The following SLC25A53 variants were observed in gnomAD, a reference collection of about 807,000 sequenced individuals.
The protein encoded by SLC25A53 is solute carrier family 25 member 53, also known as mitochondrial carrier triple repeat protein 6.
A neutral mutation model predicts 15.0 loss-of-function variants in SLC25A53; 5 were observed. That is an observed-to-expected ratio of 0.33 (90% CI 0.17 to 0.70). SLC25A53 has a LOEUF of 0.70. SLC25A53 is among the 30% of genes least tolerant of loss of function. The pLI, the probability that SLC25A53 is intolerant of heterozygous loss-of-function variation, is 0.67. For missense variants in SLC25A53, 216 were observed against 241.6 expected (o/e 0.89, Z 0.70); for synonymous variants, 95 against 100.0 (o/e 0.95, Z 0.30).
chrX:104,122,073 G>A (rs1556362972), intron 1 of SLC25A53, among the ~76,000 whole-genome samples: 2 of 103,369 alleles, frequency 1.9e-5, no homozygotes, highest in Non-Finnish European at 3.9e-5. Context: ...TCCCTGGCCT[G>A]ATTCTTCTGT....
chrX:104,110,067 C>T (rs2075332004), intron 1 of SLC25A53, among the ~76,000 whole-genome samples: 1 of 111,589 alleles, frequency 9.0e-6, no homozygotes, highest in Admixed American at 9.5e-5. Flanking sequence ...GTAGCCCAAC[C>T]CTGGCACCTT....
rs573996359 is a variant in SLC25A53 at position 104,120,251 on chromosome X, T to C, written c.-31-14963A>G. Among the ~76,000 whole-genome samples the C allele has an allele frequency of 9.0e-5, 10 of 111,625 alleles. No individual in the cohort carries two copies. In the South Asian group the frequency reaches 3.8e-3, roughly 42 times the overall value. ...ATGTAGGAGAGGAATTGCTGGCTCA[T>C]AGATTGTGTATATTTTCAACTTCAC... is the stretch of plus-strand genomic sequence containing the variant. On this transcript the variant is annotated intron_variant, in intron 1 of 1. Coordinates refer to ENST00000594199, the MANE Select transcript of SLC25A53 (RefSeq NM_001012755.5).
chrX:104,152,870 T>C (rs2075489248), intron 1 of SLC25A53, among the ~76,000 whole-genome samples: 1 of 111,856 alleles, frequency 8.9e-6, no homozygotes, highest in Non-Finnish European at 1.9e-5. Flanking sequence ...TCTGAGTGTT[T>C]GGTTTGGGGT....
At chrX:104,146,887 T>C (rs1556369174) in intron 1 of SLC25A53, among the ~76,000 whole-genome samples, 1 of 110,855 alleles carries the variant, frequency 9.0e-6, no homozygotes, top group East Asian at 2.8e-4. Flanking sequence ...CCAAGGTAAT[T>C]TATAGATTCA....
chrX:104,145,323 G>A (rs1556368448), intron 1 of SLC25A53, among the ~76,000 whole-genome samples: 1 of 112,095 alleles, frequency 8.9e-6, no homozygotes, highest in Admixed American at 9.5e-5. Context: ...TGTGTAGAGG[G>A]AAATTTATAG....
At chrX:104,129,856 A>ATG (rs1396046247) in intron 1 of SLC25A53, among the ~76,000 whole-genome samples, 6 of 50,431 alleles carry the variant, frequency 1.2e-4, no homozygotes, top group South Asian at 3.2e-3. Flanking sequence ...ATCCACACAA[A>ATG]TGTATGTGTG....
At chrX:104,147,604 G>GAA (rs1380182558) in intron 1 of SLC25A53, among the ~76,000 whole-genome samples, 1 of 104,911 alleles carries the variant, frequency 9.5e-6, no homozygotes, top group African/African-American at 3.5e-5. Context: ...AAATTTACAA[G>GAA]AAAAAAACAA....
chrX:104,154,958 T>G (rs2075496066), intron 1 of SLC25A53, among the ~76,000 whole-genome samples: 1 of 112,215 alleles, frequency 8.9e-6, no homozygotes, highest in Non-Finnish European at 1.9e-5. Context: ...ATTTAATCAT[T>G]CTACATTGTA....
intron 1 of SLC25A53, among the ~76,000 whole-genome samples, chrX:104,109,788 G>T (rs1209498077): frequency 8.9e-6 from 1 of 112,277 alleles, no homozygotes; most frequent in Non-Finnish European, 1.9e-5. Flanking sequence ...CAACAGGGTT[G>T]ATAAGAAGCT....
At chrX:104,125,892 G>A (rs782197586) in intron 1 of SLC25A53, among the ~76,000 whole-genome samples, 2 of 111,895 alleles carry the variant, frequency 1.8e-5, no homozygotes, top group Non-Finnish European at 3.8e-5. Context: ...CTGAAAACAT[G>A]GAGATACACG....
chrX:104,130,161 T>C (rs1167755650), intron 1 of SLC25A53, among the ~76,000 whole-genome samples: 1 of 111,011 alleles, frequency 9.0e-6, no homozygotes, highest in East Asian at 2.8e-4. Flanking sequence ...CCATACATCC[T>C]TCTGGGGAGT....
chrX:104,151,355 ACCT>A (rs1270129606), intron 1 of SLC25A53, among the ~76,000 whole-genome samples: 20 of 110,183 alleles, frequency 1.8e-4, no homozygotes, highest in African/African-American at 5.6e-4. Flanking sequence ...TATTTCTGCC[ACCT>A]CCTCCTCCTC....
At chrX:104,143,844 CAGAG>C (rs2147878852) in intron 1 of SLC25A53, among the ~76,000 whole-genome samples, 1 of 111,315 alleles carries the variant, frequency 9.0e-6, no homozygotes, top group Admixed American at 9.5e-5. Context: ...TAAGGGCAGC[CAGAG>C]AGAAAGGTCA....
intron 1 of SLC25A53, among the ~76,000 whole-genome samples, chrX:104,106,550 A>C (rs1474657146): frequency 1.8e-5 from 2 of 111,168 alleles, no homozygotes; most frequent in Non-Finnish European, 3.8e-5. Context: ...CACAAGTTTC[A>C]CACAGAACCC....
chrX:104,118,317 C>CT (rs1334816809), intron 1 of SLC25A53, among the ~76,000 whole-genome samples: 12 of 111,960 alleles, frequency 1.1e-4, no homozygotes, highest in Non-Finnish European at 1.3e-4. Flanking sequence ...TATCTCCCTC[C>CT]TTCTTGATAC....
At chrX:104,154,949 T>C (rs1262001711) in intron 1 of SLC25A53, among the ~76,000 whole-genome samples, 1 of 112,272 alleles carries the variant, frequency 8.9e-6, no homozygotes, top group African/African-American at 3.2e-5. Flanking sequence ...TTTACCTTGA[T>C]TTAATCATTC....
At chrX:104,143,696 A>G (rs2075457703) in intron 1 of SLC25A53, among the ~76,000 whole-genome samples, 1 of 112,183 alleles carries the variant, frequency 8.9e-6, no homozygotes, top group Non-Finnish European at 1.9e-5. Context: ...ATTATCCAGG[A>G]GAACTTCCCC....
intron 1 of SLC25A53, among the ~76,000 whole-genome samples, chrX:104,138,711 C>T (rs1430186428): frequency 8.9e-6 from 1 of 112,110 alleles, no homozygotes; most frequent in Non-Finnish European, 1.9e-5. Context: ...TCTCAGTAGA[C>T]GGGGGAACCA....
At chrX:104,115,459 T>G in intron 1 of SLC25A53, 1 of 581,254 alleles carries the variant, frequency 1.7e-6, no homozygotes, top group Non-Finnish European at 2.7e-6. Flanking sequence ...AGAAGAGGTC[T>G]TGCATACCAG....
Sources: gnomAD v4.1 joint callset for allele counts (sites outside exome capture counted in the v4.1 genomes callset) on GRCh38, gnomAD v4.1.1 for gene constraint, MANE v1.5 for transcripts, NCBI Gene and HGNC (gene_info 2026-07-23, HGNC 2026-07-21) for gene names.